The following ZNF367 variants were observed in gnomAD, a reference collection of about 807,000 sequenced individuals.
ZNF367 encodes the protein C2H2 zinc finger protein ZFF29.
In ZNF367, 11 loss-of-function variants were observed where a neutral mutation model predicts 31.8. The ratio of observed to expected loss-of-function variants is 0.35; its 90% CI spans 0.22 to 0.57. ZNF367 has a LOEUF of 0.57. ZNF367 is among the 20% of genes least tolerant of loss of function. ZNF367 has a pLI of 0.85. For synonymous variants in ZNF367, 199 were observed against 202.4 expected (o/e 0.98, Z 0.14); for missense variants, 353 against 484.1 (o/e 0.73, Z 2.54).
rs1390837327 is a variant in ZNF367, at chr9:96,417,488, C to T, written c.420+125G>A. The T allele has an allele frequency of 3.9e-6, 1 of 257,898 alleles. No individual in the cohort carries two copies. The highest frequency in any genetic ancestry group is 7.3e-6 in the Non-Finnish European group (1 of 136,218). The allele number at this position is 257,898 out of a possible 1,614,324, so 16.0% of individuals were successfully genotyped here. On this transcript the variant is annotated intron_variant, in intron 1 of 4. Coordinates refer to ENST00000375256, the MANE Select transcript of ZNF367 (RefSeq NM_153695.4). This position sits in a 1 kb window ranked among gnomAD's most constrained non-coding sequence, Gnocchi z 5.0. ...GGCGCGCGGCAGTGACGTCAGCATCCTGTCAGCCGCAGCCCCCGCCGTAGC... is the reference window on the plus strand; with the variant it reads ...GGCGCGCGGCAGTGACGTCAGCATCTTGTCAGCCGCAGCCCCCGCCGTAGC...
At chr9:96,401,749 A>G (rs572091547) in intron 1 of ZNF367, among the ~76,000 whole-genome samples, 1 of 151,436 alleles carries the variant, frequency 6.6e-6, no homozygotes, top group East Asian at 1.9e-4. Flanking sequence ...AATCGCTTGA[A>G]CCTGGGAGAT....
At position 96,417,730 on chromosome 9, in the gene ZNF367, GGCGGCT is replaced by G; in HGVS notation, c.297_302del (p.Ala100_Ala101del). The G allele has an allele frequency of 8.2e-7, 1 of 1,225,274 alleles. No homozygotes were observed. Among genetic ancestry groups the G allele is most frequent in the Middle Eastern group, 3.1e-4 (1 of 3,178 alleles). The allele number at this position is 1,225,274 out of a possible 1,614,324, so 75.9% of individuals were successfully genotyped here. A position where few individuals can be genotyped will look rare whatever the true frequency, so the allele number is the denominator to read the frequency against. ...CCCGGCCACGAAGCCCCGAGTGCTC[GGCGGCT>G]GCGGCTGCAGGCAGGGCGGCCGAGG... is the stretch of plus-strand genomic sequence containing the variant. On this transcript the variant is annotated inframe_deletion, in exon 1 of 5. Coordinates refer to ENST00000375256, the MANE Select transcript of ZNF367 (RefSeq NM_153695.4). This position sits in a 1 kb window ranked among gnomAD's most constrained non-coding sequence, Gnocchi z 5.0.
chr9:96,406,608 C>T (rs1023235999), intron 1 of ZNF367, among the ~76,000 whole-genome samples: 4 of 152,078 alleles, frequency 2.6e-5, no homozygotes, highest in African/African-American at 9.7e-5. Context: ...ATTCAGGCAG[C>T]GTACTAAACA....
chr9:96,392,436 C>T lies in ZNF367; in HGVS notation c.792G>A (p.Gln264=), dbSNP rs1831483108. ...EEPTDTLSKH[Q]AADNKAAAEW... ...CGGCCGCGGCCTTGTTGTCGGCAGC[C>T]TGATGTTTGCTGAGTGTGTCCGTGG... is the stretch of plus-strand genomic sequence containing the variant. The change falls in exon 4 of 5, where the codon CAG becomes CAA. Residue 264 remains glutamine, a synonymous_variant. Coordinates refer to ENST00000375256, the MANE Select transcript of ZNF367 (RefSeq NM_153695.4). The T allele has an allele frequency of 1.2e-6, 2 of 1,614,112 alleles. No homozygotes were observed. The highest frequency in any genetic ancestry group is 2.2e-5 in the South Asian group (2 of 91,086).
chr9:96,417,964 G>T lies in ZNF367; in HGVS notation c.69C>A (p.Cys23Ter). ...CCAGCACCCGCTTCGGGGAGTCGTG[G>T]CAGAAGATGACGGGCGGCGGCGGCG... ...PPPPPPPVIFCHDSPKRVLVS... is the reference protein window; with the variant it reads ...PPPPPPPVIF Residue 23 changes from cysteine (C) to a stop codon, truncating the protein, a stop_gained, in exon 1 of 5, where the codon TGC (cysteine) becomes TGA (stop). Coordinates refer to ENST00000375256, the MANE Select transcript of ZNF367 (RefSeq NM_153695.4). LOFTEE classifies it high-confidence loss of function. This position sits in a 1 kb window ranked among gnomAD's most constrained non-coding sequence, Gnocchi z 5.0. 6.7e-7 allele frequency: 1 copy of T among 1,483,364 alleles called. No individual in the cohort carries two copies. 91.9% of individuals were successfully genotyped at this position (1,483,364 alleles called of 1,614,324 possible). A position where few individuals can be genotyped will look rare whatever the true frequency, so the allele number is the denominator to read the frequency against.
In ZNF367 at chr9:96,388,557, T is replaced by C. The variant is rs534589398; in HGVS notation, c.831-98A>G. The C allele has an allele frequency of 2.1e-5, 23 of 1,080,874 alleles. No individual in the cohort carries two copies. The South Asian group carries it at 3.4e-4, about 16-fold the overall frequency. The allele number at this position is 1,080,874 out of a possible 1,614,324, so 67.0% of individuals were successfully genotyped here. On this transcript the variant is annotated intron_variant, in intron 4 of 4. Coordinates refer to ENST00000375256, the MANE Select transcript of ZNF367 (RefSeq NM_153695.4). ...GTTCCATACCACAATATTACTTTTA[T>C]GTGGTTCAGTTTATAAAGTTATAAA...
At chr9:96,402,410 T>C (rs1421209108) in intron 1 of ZNF367, among the ~76,000 whole-genome samples, 1 of 149,534 alleles carries the variant, frequency 6.7e-6, no homozygotes. Flanking sequence ...ACAGCTGGAG[T>C]CTTCGATACC....
At position 96,417,811 on chromosome 9, in the gene ZNF367, GC is replaced by G; in HGVS notation, c.221del (p.Gly74AlafsTer7). 1.4e-6 allele frequency: 2 copies of G among 1,401,680 alleles called. No individual in the cohort carries two copies. The highest frequency in any genetic ancestry group is 1.5e-5 in the African/African-American group (1 of 66,818). The allele number at this position is 1,401,680 out of a possible 1,614,324, so 86.8% of individuals were successfully genotyped here. A position where few individuals can be genotyped will look rare whatever the true frequency, so the allele number is the denominator to read the frequency against. On this transcript the variant is annotated frameshift_variant, in exon 1 of 5. Transcript: ENST00000375256. LOFTEE classifies it high-confidence loss of function. This position sits in a 1 kb window ranked among gnomAD's most constrained non-coding sequence, Gnocchi z 5.0. ...SDFMVYPWRW[G>X]ENAHNVTLSP... is the part of the protein sequence containing the mutation. The stretch of plus-strand genomic sequence containing the variant: ...TGAGCGTCACGTTGTGTGCGTTCTC[GC>G]CCCAGCGCCACGGGTACACCATGAA...
intron 2 of ZNF367, among the ~76,000 whole-genome samples, chr9:96,396,460 T>A (rs1429317451): frequency 3.9e-5 from 6 of 151,984 alleles, no homozygotes; most frequent in Non-Finnish European, 7.4e-5. Context: ...AAAAAAAACC[T>A]CTATTCTATC....
rs780608903 is a variant in ZNF367, at chr9:96,417,865, G to GAGC, written c.165_167dup (p.Leu56dup). On this transcript the variant is annotated inframe_insertion, in exon 1 of 5. Coordinates refer to ENST00000375256, the MANE Select transcript of ZNF367 (RefSeq NM_153695.4). The surrounding 1 kb of genome is among the most constrained non-coding windows in gnomAD (Gnocchi z 5.0). ...CGCTGAAGCCGGGGCTGGTGGGGATGAGCGGCGGCGGCGGCTCCGGCTCCC... is the reference window on the plus strand; with the variant it reads ...CGCTGAAGCCGGGGCTGGTGGGGATGAGCAGCGGCGGCGGCGGCTCCGGCTCCC... 6.6e-7 allele frequency: 1 copy of GAGC among 1,517,162 alleles called. No individual in the cohort carries two copies. The highest frequency in any genetic ancestry group is 1.2e-5 in the South Asian group (1 of 80,754). 94.0% of individuals were successfully genotyped at this position (1,517,162 alleles called of 1,614,324 possible). A position where few individuals can be genotyped will look rare whatever the true frequency, so the allele number is the denominator to read the frequency against.
chr9:96,411,569 TAAAAAATAAGTA>T (rs748047750), intron 1 of ZNF367, among the ~76,000 whole-genome samples: 49 of 151,868 alleles, frequency 3.2e-4, no homozygotes, highest in Non-Finnish European at 4.0e-4. Context: ...CTGAAAAACA[TAAAAAATAAGTA>T]AACAAATAAA....
chr9:96,401,029 C>T (rs937997130), intron 1 of ZNF367, among the ~76,000 whole-genome samples: 3 of 151,958 alleles, frequency 2.0e-5, no homozygotes, highest in Non-Finnish European at 4.4e-5. Flanking sequence ...AGTTTGAGAC[C>T]AGCCTGGGAA....
intron 1 of ZNF367, among the ~76,000 whole-genome samples, chr9:96,413,604 G>A (rs1450409425): frequency 2.6e-5 from 4 of 152,072 alleles, no homozygotes; most frequent in African/African-American, 4.8e-5. Context: ...GACAAGGTGG[G>A]GAGCCTTGGA....
At chr9:96,390,904 AAAAGAC>A (rs1831465434) in intron 4 of ZNF367, among the ~76,000 whole-genome samples, 1 of 151,358 alleles carries the variant, frequency 6.6e-6, no homozygotes, top group Non-Finnish European at 1.5e-5. Context: ...AAAAAAAAAA[AAAAGAC>A]AAGGATGACC....
chr9:96,391,145 A>G (rs568367008), intron 4 of ZNF367, among the ~76,000 whole-genome samples: 1 of 152,274 alleles, frequency 6.6e-6, no homozygotes, highest in African/African-American at 2.4e-5. Context: ...ATCCAAACAA[A>G]ACAGAGTTTA....
At chr9:96,394,385 C>T (rs1831505484) in intron 3 of ZNF367, among the ~76,000 whole-genome samples, 1 of 151,890 alleles carries the variant, frequency 6.6e-6, no homozygotes, top group South Asian at 2.1e-4. Flanking sequence ...TTAATAGGTA[C>T]CAAAAATAGA....
At chr9:96,396,516 G>A (rs1831531645) in intron 2 of ZNF367, among the ~76,000 whole-genome samples, 1 of 151,924 alleles carries the variant, frequency 6.6e-6, no homozygotes, top group Admixed American at 6.6e-5. Context: ...TTAAAAAAAA[G>A]TGAGAAACAG....
Position 96,392,379 on chromosome 9 carries a change from T to C in ZNF367, c.830+19A>G, listed in dbSNP as rs1831482141. ...CGCGCTGTGCATCTTCACGGTGGAC[T>C]AAAGGCAGCATTCCTGACCTCGCCA... is the stretch of plus-strand genomic sequence containing the variant. On this transcript the variant is annotated intron_variant, in intron 4 of 4. Transcript: ENST00000375256. 6.2e-7 allele frequency: 1 copy of C among 1,614,118 alleles called. No individual in the cohort carries two copies. The highest frequency in any genetic ancestry group is 8.5e-7 in the Non-Finnish European group (1 of 1,179,998).
intron 3 of ZNF367, 152 bp from the exon 4 acceptor site, chr9:96,392,688 C>T: frequency 8.5e-7 from 1 of 1,182,708 alleles, no homozygotes; most frequent in Non-Finnish European, 1.2e-6. Context: ...CAAACCAGCA[C>T]AGTCTCATCA....
Sources: gnomAD v4.1 joint callset for allele counts (sites outside exome capture counted in the v4.1 genomes callset) on GRCh38, gnomAD v4.1.1 for gene constraint, Gnocchi (gnomAD v3.1) non-coding constraint, MANE v1.5 for transcripts, NCBI Gene and HGNC (gene_info 2026-07-23, HGNC 2026-07-21) for gene names.